Variants in RELN observed in about 807,000 individuals in gnomAD.
RELN encodes reelin.
A neutral mutation model predicts 427.6 loss-of-function variants in RELN; 108 were observed. The ratio of observed to expected loss-of-function variants is 0.25; its 90% CI spans 0.22 to 0.30. RELN has a LOEUF of 0.30. Among genes scored for constraint, RELN ranks in the 10% least tolerant of loss-of-function variants. The pLI, the probability that RELN is intolerant of heterozygous loss-of-function variation, is 1.00. For synonymous variants in RELN, 1,524 were observed against 1,513.4 expected (o/e 1.01, Z -0.16); for missense variants, 3,715 against 4,302.8 (o/e 0.86, Z 3.82).
chr7:103,905,967 C>T (rs770897376), intron 2 of RELN, among the ~76,000 whole-genome samples: 15 of 151,890 alleles, frequency 9.9e-5, no homozygotes, highest in African/African-American at 3.1e-4. Flanking sequence ...CCCCAGAGAC[C>T]GAGCCAGAAA....
chr7:103,547,392 G>T (rs1830321924), intron 41 of RELN, among the ~76,000 whole-genome samples: 1 of 152,138 alleles, frequency 6.6e-6, no homozygotes, highest in Non-Finnish European at 1.5e-5. Flanking sequence ...CACCTCCAGG[G>T]TTCAAGCAAT....
At position 103,601,531 on chromosome 7, in the gene RELN, C is replaced by T. The variant is rs117629872; in HGVS notation, c.3333+1773G>A. Among the ~76,000 whole-genome samples, 116 of 152,290 alleles carry T rather than the reference C, an allele frequency of 7.6e-4. No individual in the cohort carries two copies. In the South Asian group the frequency reaches 0.012, roughly 15 times the overall value. Reference sequence around the variant, plus strand: ...GTAGCATATCACTCACACCTGTCTACGTGTTACATGCTGTAAAGTGGGACA... The same window carrying T: ...GTAGCATATCACTCACACCTGTCTATGTGTTACATGCTGTAAAGTGGGACA... On this transcript the variant is annotated intron_variant, in intron 24 of 64. Coordinates refer to ENST00000428762, the MANE Select transcript of RELN (RefSeq NM_005045.4).
intron 20 of RELN, chr7:103,628,022 T>C (rs1434422334): frequency 6.6e-6 from 1 of 152,232 alleles, no homozygotes; most frequent in Non-Finnish European, 1.5e-5. Context: ...GGACTTGCAT[T>C]CATGATATGA....
At chr7:103,929,859 C>T (rs1795822761) in intron 1 of RELN, among the ~76,000 whole-genome samples, 1 of 152,232 alleles carries the variant, frequency 6.6e-6, no homozygotes, top group South Asian at 2.1e-4. Flanking sequence ...CATCCGGCAA[C>T]TCAAAAGTTT....
At chr7:103,551,915 G>A (rs892109953) in intron 40 of RELN, among the ~76,000 whole-genome samples, 1 of 149,366 alleles carries the variant, frequency 6.7e-6, no homozygotes, top group Admixed American at 6.7e-5. Flanking sequence ...ACCTTCCATA[G>A]TTACCTTCTG....
chr7:103,496,996 C>T (rs1458510261), intron 55 of RELN, among the ~76,000 whole-genome samples: 1 of 152,186 alleles, frequency 6.6e-6, no homozygotes, highest in Non-Finnish European at 1.5e-5. Flanking sequence ...AAAATAAAAA[C>T]ACTGAAGTAA....
At chr7:103,792,168 T>C (rs1792180498) in intron 3 of RELN, among the ~76,000 whole-genome samples, 1 of 152,188 alleles carries the variant, frequency 6.6e-6, no homozygotes, top group Non-Finnish European at 1.5e-5. Context: ...TGCCTCAGAA[T>C]GTTAAACATT....
intron 19 of RELN, among the ~76,000 whole-genome samples, chr7:103,635,094 C>A (rs1312536652): frequency 6.6e-6 from 1 of 152,028 alleles, no homozygotes; most frequent in African/African-American, 2.4e-5. Context: ...CTCCTGACCT[C>A]GTGATCTGCC....
chr7:103,530,971 T>C (rs961236214), intron 46 of RELN, among the ~76,000 whole-genome samples: 2 of 152,202 alleles, frequency 1.3e-5, no homozygotes, highest in African/African-American at 4.8e-5. Context: ...TTTAAGACAG[T>C]GCCCTAGCCA....
intron 11 of RELN, among the ~76,000 whole-genome samples, chr7:103,675,779 A>G (rs558672115): frequency 1.3e-5 from 2 of 152,196 alleles, no homozygotes; most frequent in African/African-American, 4.8e-5. Flanking sequence ...GAAAAACAAG[A>G]AATGGGGAAA....
chr7:103,567,452 C>T (rs1341801159), intron 31 of RELN, among the ~76,000 whole-genome samples: 1 of 152,168 alleles, frequency 6.6e-6, no homozygotes, highest in Non-Finnish European at 1.5e-5. Flanking sequence ...CCTCATGTCC[C>T]TTCTAAAAGA....
chr7:103,541,068 G>C (rs114509540), intron 43 of RELN, among the ~76,000 whole-genome samples: 3,528 of 152,206 alleles, frequency 0.023, 127 homozygotes, highest in African/African-American at 0.08. Context: ...CTGGGGCAGG[G>C]ACCATGAGTG....
chr7:103,530,365 T>A (rs1829912863), intron 46 of RELN, among the ~76,000 whole-genome samples: 1 of 152,244 alleles, frequency 6.6e-6, no homozygotes, highest in African/African-American at 2.4e-5. Flanking sequence ...AATTCTTTCT[T>A]TGAAATGCTC....
At chr7:103,897,713 C>T (rs1794992012) in intron 2 of RELN, among the ~76,000 whole-genome samples, 1 of 152,036 alleles carries the variant, frequency 6.6e-6, no homozygotes, top group African/African-American at 2.4e-5. Context: ...TGCACACAGA[C>T]TCCTTCACAA....
At chr7:103,652,969 C>G (rs769471623) in intron 13 of RELN, among the ~76,000 whole-genome samples, 3 of 151,974 alleles carry the variant, frequency 2.0e-5, no homozygotes, top group Admixed American at 6.6e-5. Context: ...TTCCTGTGCA[C>G]GAGGTGGGGG....
In RELN at chr7:103,894,277, G is replaced by C. The variant is rs147196959; in HGVS notation, c.337+22798C>G. ...AGTTCTACAAGATTTTTGACCTATAGTATACTCTTCACTGCATTAAAGATT... is the reference window on the plus strand; with the variant it reads ...AGTTCTACAAGATTTTTGACCTATACTATACTCTTCACTGCATTAAAGATT... On this transcript the variant is annotated intron_variant, in intron 2 of 64. Transcript: ENST00000428762. Among the ~76,000 whole-genome samples the C allele has an allele frequency of 5.9e-3, 896 of 152,072 alleles. 14 individuals are homozygous for C. Among genetic ancestry groups the C allele is most frequent in the African/African-American group, 0.021 (866 of 41,494 alleles).
intron 56 of RELN, among the ~76,000 whole-genome samples, chr7:103,496,160 T>C (rs1351309945): frequency 1.3e-5 from 2 of 148,644 alleles, no homozygotes; most frequent in African/African-American, 4.9e-5. Flanking sequence ...AAAATGTAAT[T>C]GCTAGTCTAG....
In RELN at chr7:103,824,627, AGTGTGT is replaced by A. The variant is rs368098458; in HGVS notation, c.473+8904_473+8909del. Among the ~76,000 whole-genome samples, 14,423 of 130,830 alleles carry A rather than the reference AGTGTGT, an allele frequency of 0.11. 879 individuals are homozygous for A. The highest frequency in any genetic ancestry group is 0.14 in the Middle Eastern group (32 of 230). 85.8% of individuals were successfully genotyped at this position (130,830 alleles called of 152,430 possible). On this transcript the variant is annotated intron_variant, in intron 3 of 64. Transcript: ENST00000428762. The surrounding 1 kb of genome is among the most constrained non-coding windows in gnomAD (Gnocchi z 4.4). Reference sequence around the variant, plus strand: ...GTGTTTTCACTTTCTTTCAAAACAGAGTGTGTGTGTGTGTGTGTGTGTGTGTGTGTG... The same window carrying A: ...GTGTTTTCACTTTCTTTCAAAACAGAGTGTGTGTGTGTGTGTGTGTGTGTG...
intron 24 of RELN, among the ~76,000 whole-genome samples, chr7:103,602,352 A>T (rs1831691177): frequency 1.3e-5 from 2 of 152,198 alleles, no homozygotes; most frequent in Non-Finnish European, 2.9e-5. Context: ...AAGGATTATA[A>T]ATCATTCTAC....
Sources: allele counts gnomAD v4.1 joint callset (sites outside exome capture counted in the v4.1 genomes callset), GRCh38; gene constraint gnomAD v4.1.1; non-coding constraint Gnocchi (gnomAD v3.1); transcripts MANE v1.5; gene names NCBI Gene and HGNC (gene_info 2026-07-23, HGNC 2026-07-21).